The following SYNE2 variants were observed in gnomAD, a reference collection of about 807,000 sequenced individuals.
SYNE2 encodes the protein nesprin-2.
SYNE2 carries 431 observed loss-of-function variants against 856.3 expected under a neutral mutation model. The ratio of observed to expected loss-of-function variants is 0.50; its 90% CI spans 0.47 to 0.55. The LOEUF (loss-of-function observed/expected upper bound fraction) is 0.55. SYNE2 is among the 20% of genes least tolerant of loss of function. SYNE2 has a pLI of 0.00. For synonymous variants in SYNE2, 2,923 were observed against 2,872.3 expected, an observed-to-expected ratio of 1.02 and a Z score of -0.56; for missense variants, 8,129 against 8,023.2, an observed-to-expected ratio of 1.01 and a Z score of -0.50.
chr14:64,043,374 G>T, intron 45 of SYNE2, among the ~76,000 whole-genome samples: 1 of 152,170 alleles, frequency 6.6e-6, no homozygotes, highest in Non-Finnish European at 1.5e-5. Flanking sequence ...AATTCAAGCA[G>T]GCTGAAGAAA....
intron 6 of SYNE2, among the ~76,000 whole-genome samples, chr14:63,948,206 G>A (rs938170692): frequency 8.3e-5 from 12 of 144,440 alleles, no homozygotes; most frequent in Non-Finnish European, 1.5e-4. Flanking sequence ...CACTCCTGCT[G>A]GAATTTTTAT....
chr14:63,835,563 TTGCGTG>T (rs1205998813), intron 1 of SYNE2, among the ~76,000 whole-genome samples: 25 of 97,362 alleles, frequency 2.6e-4, no homozygotes, highest in African/African-American at 9.1e-4. Flanking sequence ...ATGTAGATAT[TTGCGTG>T]TGTGTGTGTG....
At chr14:63,846,242 C>A (rs1014376371) in intron 1 of SYNE2, among the ~76,000 whole-genome samples, 1 of 151,044 alleles carries the variant, frequency 6.6e-6, no homozygotes, top group Non-Finnish European at 1.5e-5. Flanking sequence ...GAGACAGGGG[C>A]TCACCATGTT....
chr14:63,952,442 T>A (rs1466173168), intron 7 of SYNE2, among the ~76,000 whole-genome samples: 1 of 152,242 alleles, frequency 6.6e-6, no homozygotes, highest in Non-Finnish European at 1.5e-5. Flanking sequence ...CATTACAATT[T>A]GCCATTACTT....
chr14:64,152,850 A>C, intron 85 of SYNE2, 134 bp downstream of exon 85: 1 of 1,187,242 alleles, frequency 8.4e-7, no homozygotes, highest in Non-Finnish European at 1.2e-6. Context: ...AGAAAAATTG[A>C]AGTAAATTAG....
chr14:63,829,739 G>T (rs1414278845), intron 1 of SYNE2, among the ~76,000 whole-genome samples: 1 of 151,962 alleles, frequency 6.6e-6, no homozygotes, highest in East Asian at 1.9e-4. Context: ...TCCTCAGCCT[G>T]CCTCCCAAAT....
At chr14:63,773,255 A>C (rs1423391713) in intron 1 of SYNE2, among the ~76,000 whole-genome samples, 1 of 152,124 alleles carries the variant, frequency 6.6e-6, no homozygotes, top group East Asian at 1.9e-4. Context: ...GCTGGAATGC[A>C]GTGGCTCAAT....
intron 70 of SYNE2, among the ~76,000 whole-genome samples, chr14:64,123,785 G>A (rs2097915714): frequency 6.6e-6 from 1 of 152,068 alleles, no homozygotes. Flanking sequence ...CTAATAGTTG[G>A]CTGTGTCAAA....
intron 8 of SYNE2, among the ~76,000 whole-genome samples, chr14:63,959,264 A>G (rs891404288): frequency 1.4e-5 from 2 of 139,042 alleles, no homozygotes; most frequent in Middle Eastern, 7.8e-3. Context: ...GCTTACAGCC[A>G]TATTCTTTTT....
At chr14:64,056,973 C>G (rs1429017991) in intron 49 of SYNE2, among the ~76,000 whole-genome samples, 1 of 151,780 alleles carries the variant, frequency 6.6e-6, no homozygotes, top group African/African-American at 2.4e-5. Context: ...GTGCATTCTT[C>G]TGTTATTTCT....
intron 76 of SYNE2, among the ~76,000 whole-genome samples, chr14:64,131,395 C>T (rs2098019122): frequency 6.6e-6 from 1 of 152,108 alleles, no homozygotes; most frequent in African/African-American, 2.4e-5. Context: ...GCTTTATGTC[C>T]AGGATTCCTA....
At chr14:64,135,969 G>A (rs1356601478) in intron 78 of SYNE2, among the ~76,000 whole-genome samples, 2 of 152,094 alleles carry the variant, frequency 1.3e-5, no homozygotes, top group African/African-American at 2.4e-5. Flanking sequence ...CTAGTTACTC[G>A]TGCACAGACT....
chr14:64,088,580 G>A (rs888522718), intron 58 of SYNE2, among the ~76,000 whole-genome samples: 1 of 152,172 alleles, frequency 6.6e-6, no homozygotes, highest in African/African-American at 2.4e-5. Context: ...AGACCTGCCT[G>A]GGTACTACAG....
chr14:63,841,071 AG>A (rs1166775742), intron 1 of SYNE2, among the ~76,000 whole-genome samples: 1 of 152,158 alleles, frequency 6.6e-6, no homozygotes, highest in Admixed American at 6.6e-5. Context: ...CATCACCCCT[AG>A]GGCAGGGGAA....
At chr14:63,984,186 G>A (rs1461809742) in intron 18 of SYNE2, among the ~76,000 whole-genome samples, 1 of 152,198 alleles carries the variant, frequency 6.6e-6, no homozygotes, top group African/African-American at 2.4e-5. Context: ...GAAGTTGAAA[G>A]TGAGGCGAGA....
chr14:64,081,287 G>A (rs1019633734), intron 56 of SYNE2, among the ~76,000 whole-genome samples, 156 bp from the exon 57 acceptor site: 6 of 152,078 alleles, frequency 3.9e-5, no homozygotes, highest in African/African-American at 1.4e-4. Flanking sequence ...AAGTGTCATA[G>A]CCTAGAGCAG....
Position 63,980,663 on chromosome 14 carries a change from G to T in SYNE2, c.1579G>T (p.Glu527Ter). Residue 527 changes from glutamate (E) to a stop codon, truncating the protein, a stop_gained, in exon 15 of 116, where the codon GAA becomes TAA. Coordinates refer to ENST00000555002, the MANE Select transcript of SYNE2 (RefSeq NM_182914.3). LOFTEE classifies it high-confidence loss of function. ...TTTGTTTTCTTCCCAGAAATTTATT[G>T]AAGAAAAAGAATTCCTAGCTCGACT... is the stretch of plus-strand genomic sequence containing the variant. ...LLLEDWHKFI[E>*]EKEFLARLDT... 6.3e-7 allele frequency: 1 copy of T among 1,594,800 alleles called. No individual in the cohort carries two copies. The highest frequency in any genetic ancestry group is 8.6e-7 in the Non-Finnish European group (1 of 1,163,210).
At chr14:64,182,662 C>G (rs567901450) in intron 96 of SYNE2, among the ~76,000 whole-genome samples, 1 of 152,192 alleles carries the variant, frequency 6.6e-6, no homozygotes, top group Non-Finnish European at 1.5e-5. Context: ...TCCATTTAAT[C>G]CTGAGTGGAC....
At chr14:64,188,783 A>G in intron 98 of SYNE2, 75 bp downstream of exon 98, 1 of 1,472,774 alleles carries the variant, frequency 6.8e-7, no homozygotes, top group South Asian at 1.1e-5. Flanking sequence ...CTAAGCCCAA[A>G]CAGGGGCAAT....
Sources: allele counts gnomAD v4.1 joint callset (sites outside exome capture counted in the v4.1 genomes callset), GRCh38; gene constraint gnomAD v4.1.1; transcripts MANE v1.5; gene names NCBI Gene and HGNC (gene_info 2026-07-23, HGNC 2026-07-21).